Variants in EYS observed in about 807,000 individuals in gnomAD.
EYS encodes the protein protein eyes shut homolog.
A neutral mutation model predicts 282.1 loss-of-function variants in EYS; 250 were observed. The observed-to-expected ratio is 0.89, with a 90% CI of 0.80 to 0.98. EYS has a LOEUF of 0.98. EYS is among the 50% of genes least tolerant of loss of function. The probability of loss-of-function intolerance (pLI) is 0.00; values close to 1 mark genes in which losing one functional copy is unlikely to be tolerated. For synonymous variants in EYS, 1,355 were observed against 1,282.9 expected (o/e 1.06, Z -1.20); for missense variants, 4,016 against 3,709.0 (o/e 1.08, Z -2.15).
Position 65,179,671 on chromosome 6 carries a change from T to A in EYS, c.2023+116192A>T, listed in dbSNP as rs535301339. 8.5e-5 allele frequency among the ~76,000 whole-genome samples: 13 copies of A among 152,082 alleles called. No individual in the cohort carries two copies. The South Asian group carries it at 2.5e-3, about 29-fold the overall frequency. Reference sequence around the variant, plus strand: ...ATTCCTTCTGAAACTATTCCAATCATTAGAAAAAGAGGGAATCCTCCCTAA... The same window carrying A: ...ATTCCTTCTGAAACTATTCCAATCAATAGAAAAAGAGGGAATCCTCCCTAA... On this transcript the variant is annotated intron_variant, in intron 12 of 42. Transcript: ENST00000503581.
chr6:65,117,305 C>T (rs1775404103), intron 12 of EYS, among the ~76,000 whole-genome samples: 1 of 152,146 alleles, frequency 6.6e-6, no homozygotes, highest in Non-Finnish European at 1.5e-5. Flanking sequence ...CCTTCTAAAG[C>T]TATTTATGTA....
intron 12 of EYS, among the ~76,000 whole-genome samples, chr6:65,107,549 C>A (rs1775078324): frequency 6.6e-6 from 1 of 151,660 alleles, no homozygotes; most frequent in Non-Finnish European, 1.5e-5. Flanking sequence ...GAGCTATACT[C>A]TAACTTTATA....
chr6:64,048,909 C>T (rs1173891770), intron 33 of EYS, among the ~76,000 whole-genome samples: 1 of 151,824 alleles, frequency 6.6e-6, no homozygotes, highest in African/African-American at 2.4e-5. Context: ...CATTCTTTTC[C>T]CCCCCTAGAT....
intron 2 of EYS, among the ~76,000 whole-genome samples, chr6:65,590,131 T>C (rs945558338): frequency 6.6e-6 from 1 of 151,996 alleles, no homozygotes; most frequent in Non-Finnish European, 1.5e-5. Context: ...TTAAGTGTAA[T>C]TGTAAAATGA....
rs554708415 is a variant in EYS at position 64,083,820 on chromosome 6, C to A, written c.6425-1818G>T. On this transcript the variant is annotated intron_variant, in intron 31 of 42. Coordinates refer to ENST00000503581, the MANE Select transcript of EYS (RefSeq NM_001142800.2). ...TGGTGCAATCTTGGCTCACTGCAAC[C>A]TCCACCTCCCGGCTTCAAGCGATTC... is the stretch of plus-strand genomic sequence containing the variant. 4.6e-5 allele frequency among the ~76,000 whole-genome samples: 7 copies of A among 152,338 alleles called. No individual in the cohort carries two copies. In the East Asian group the frequency reaches 1.2e-3, roughly 25 times the overall value.
At chr6:64,150,068 G>T (rs1274501350) in intron 31 of EYS, among the ~76,000 whole-genome samples, 1 of 152,178 alleles carries the variant, frequency 6.6e-6, no homozygotes, top group Non-Finnish European at 1.5e-5. Context: ...TTCATGTAAA[G>T]AATGATTCTA....
rs116447762 is a variant in EYS at position 64,183,946 on chromosome 6, T to C, written c.6424+46646A>G. On this transcript the variant is annotated intron_variant, in intron 31 of 42. Transcript: ENST00000503581. ...TTTGTAACGCAATTTTAAATTTCAA[T>C]TTCTTGAGCTTTATACATGTTAGTT... Among the ~76,000 whole-genome samples the C allele has an allele frequency of 9.5e-3, 1,450 of 152,272 alleles. 28 individuals carry two copies. The highest frequency in any genetic ancestry group is 0.034 in the African/African-American group (1,396 of 41,574).
At chr6:64,756,958 T>A (rs184000697) in intron 22 of EYS, among the ~76,000 whole-genome samples, 8 of 151,264 alleles carry the variant, frequency 5.3e-5, no homozygotes, top group Admixed American at 5.3e-4. Flanking sequence ...TTTAATAGAG[T>A]CACTTTGGCC....
At chr6:64,966,354 A>T (rs1770095271) in intron 14 of EYS, among the ~76,000 whole-genome samples, 1 of 152,166 alleles carries the variant, frequency 6.6e-6, no homozygotes, top group African/African-American at 2.4e-5. Flanking sequence ...TTAACTTGTT[A>T]AATGTTTAAG....
At chr6:65,057,201 A>G (rs1409105705) in intron 13 of EYS, among the ~76,000 whole-genome samples, 1 of 152,050 alleles carries the variant, frequency 6.6e-6, no homozygotes, top group African/African-American at 2.4e-5. Context: ...AAGTTGAAGA[A>G]ATACCATCAA....
intron 22 of EYS, among the ~76,000 whole-genome samples, chr6:64,740,977 T>A (rs1341646472): frequency 6.6e-6 from 1 of 152,174 alleles, no homozygotes; most frequent in Non-Finnish European, 1.5e-5. Context: ...CCTCCCAAAG[T>A]GCTGGGATTA....
chr6:64,878,117 C>T (rs1766807196), intron 19 of EYS, among the ~76,000 whole-genome samples: 1 of 152,002 alleles, frequency 6.6e-6, no homozygotes, highest in South Asian at 2.1e-4. Flanking sequence ...CCCGTAATCC[C>T]AGCTACTTGG....
intron 12 of EYS, among the ~76,000 whole-genome samples, chr6:65,059,177 T>C (rs1003564381): frequency 2.0e-5 from 3 of 152,034 alleles, no homozygotes; most frequent in African/African-American, 7.2e-5. Context: ...AATGAGATAA[T>C]TTAATTTTGT....
chr6:64,043,152 A>AT lies in EYS; in HGVS notation c.6725+23185dup, dbSNP rs544856146. 2.4e-4 allele frequency among the ~76,000 whole-genome samples: 37 copies of AT among 152,322 alleles called. 1 individual carries two copies. Among genetic ancestry groups the AT allele is most frequent in the Middle Eastern group, 3.4e-3 (1 of 294 alleles). ...TTTATGACATAGGTACTGAATAGAC[A>AT]TTTTTTAAACTAATGATAAAATACC... On this transcript the variant is annotated intron_variant, in intron 33 of 42. Transcript: ENST00000503581.
At chr6:64,187,558 A>G (rs1440616491) in intron 31 of EYS, among the ~76,000 whole-genome samples, 1 of 152,226 alleles carries the variant, frequency 6.6e-6, no homozygotes, top group East Asian at 1.9e-4. Flanking sequence ...CAGTTTTAGC[A>G]GAGGTTTATA....
chr6:64,177,081 A>G (rs1330386181), intron 31 of EYS, among the ~76,000 whole-genome samples: 6 of 151,806 alleles, frequency 4.0e-5, no homozygotes, highest in Non-Finnish European at 7.4e-5. Context: ...ACTATAAATT[A>G]TTCATAATTT....
At chr6:63,852,837 T>C (rs1562060668) in intron 36 of EYS, among the ~76,000 whole-genome samples, 1 of 152,104 alleles carries the variant, frequency 6.6e-6, no homozygotes, top group African/African-American at 2.4e-5. Context: ...CATATGCAAA[T>C]CAATAAATGT....
intron 4 of EYS, chr6:65,491,419 A>G (rs777343823): frequency 6.3e-6 from 2 of 316,098 alleles, no homozygotes; most frequent in Non-Finnish European, 1.3e-5. Flanking sequence ...GCTGTTACAA[A>G]CCAACTGCAT....
intron 2 of EYS, among the ~76,000 whole-genome samples, chr6:65,562,760 T>C (rs1769117728): frequency 6.6e-6 from 1 of 152,128 alleles, no homozygotes; most frequent in African/African-American, 2.4e-5. Flanking sequence ...TTTATTTCTA[T>C]AGTCTGTTGT....
Sources: allele counts gnomAD v4.1 joint callset (sites outside exome capture counted in the v4.1 genomes callset), GRCh38; gene constraint gnomAD v4.1.1; transcripts MANE v1.5; gene names NCBI Gene and HGNC (gene_info 2026-07-23, HGNC 2026-07-21).